Variants in CRHR1 observed in about 807,000 individuals in gnomAD.
CRHR1 encodes the protein corticotropin-releasing hormone receptor 1.
Under a neutral mutation model 56.0 loss-of-function variants are expected in CRHR1, and 28 were observed. The ratio of observed to expected loss-of-function variants is 0.50; its 90% CI spans 0.37 to 0.69. The LOEUF is 0.69. CRHR1 is among the 30% of genes least tolerant of loss of function. CRHR1 has a pLI of 0.00. For synonymous variants in CRHR1, 195 were observed against 216.5 expected (o/e 0.90, Z 0.87); for missense variants, 376 against 548.0 (o/e 0.69, Z 3.13).
chr17:45,785,287 A>G (rs1361176345), intron 1 of CRHR1, among the ~76,000 whole-genome samples: 1 of 152,238 alleles, frequency 6.6e-6, no homozygotes, highest in Non-Finnish European at 1.5e-5. Flanking sequence ...CCGCACGTCC[A>G]GCGTCTGCCC....
intron 2 of CRHR1, among the ~76,000 whole-genome samples, chr17:45,812,155 A>T (rs1364032070): frequency 6.6e-6 from 1 of 152,222 alleles, no homozygotes. Flanking sequence ...CTACAATGTA[A>T]ATGTTATATA....
chr17:45,824,270 G>C (rs2062109064), intron 4 of CRHR1, among the ~76,000 whole-genome samples: 1 of 152,186 alleles, frequency 6.6e-6, no homozygotes, highest in South Asian at 2.1e-4. Flanking sequence ...GCGGGTCAGT[G>C]CTGTCAGTGA....
chr17:45,832,068 A>C (rs990472223), intron 8 of CRHR1, among the ~76,000 whole-genome samples: 13 of 150,856 alleles, frequency 8.6e-5, no homozygotes, highest in African/African-American at 1.7e-4. Context: ...TAAAAAAAAA[A>C]CAAAAAAACA....
intron 2 of CRHR1, among the ~76,000 whole-genome samples, chr17:45,808,895 C>T (rs542702550): frequency 6.6e-6 from 1 of 152,286 alleles, no homozygotes; most frequent in East Asian, 1.9e-4. Flanking sequence ...CACTGCAGCC[C>T]AGATCTGGGC....
intron 4 of CRHR1, chr17:45,826,996 A>G (rs930619107): frequency 2.6e-5 from 4 of 152,194 alleles, no homozygotes; most frequent in African/African-American, 9.7e-5. Flanking sequence ...CACCCAAAAA[A>G]AGAAATGTCC....
chr17:45,815,759 C>A (rs1220574828), intron 2 of CRHR1, among the ~76,000 whole-genome samples: 1 of 152,224 alleles, frequency 6.6e-6, no homozygotes, highest in Non-Finnish European at 1.5e-5. Flanking sequence ...ACAGCCCATT[C>A]TGAAGCAGTG....
At chr17:45,828,543 A>G (rs2062217914) in intron 4 of CRHR1, among the ~76,000 whole-genome samples, 2 of 152,240 alleles carry the variant, frequency 1.3e-5, no homozygotes, top group African/African-American at 2.4e-5. Flanking sequence ...TCATTAAGAA[A>G]TAAACCCGGG....
chr17:45,823,454 C>T (rs889910428), intron 4 of CRHR1, among the ~76,000 whole-genome samples: 4 of 136,770 alleles, frequency 2.9e-5, no homozygotes, highest in African/African-American at 1.1e-4. Flanking sequence ...TGTCGCCAGG[C>T]TGGAGTGCTG....
intron 1 of CRHR1, among the ~76,000 whole-genome samples, chr17:45,804,196 G>A (rs1011260377): frequency 2.0e-5 from 3 of 152,206 alleles, no homozygotes; most frequent in Non-Finnish European, 2.9e-5. Flanking sequence ...TCCCAGGCGC[G>A]AGTTGGCTAA....
intron 1 of CRHR1, among the ~76,000 whole-genome samples, chr17:45,794,714 C>T (rs1001465800): frequency 6.6e-6 from 1 of 152,228 alleles, no homozygotes; most frequent in Non-Finnish European, 1.5e-5. Context: ...GATCAGTGGT[C>T]GCAGCCCCTA....
intron 2 of CRHR1, among the ~76,000 whole-genome samples, chr17:45,811,321 T>C (rs2061819622): frequency 2.0e-5 from 3 of 152,252 alleles, no homozygotes; most frequent in Admixed American, 2.0e-4. Flanking sequence ...CCGCAGGGTT[T>C]CTTCCCTGGC....
intron 1 of CRHR1, among the ~76,000 whole-genome samples, chr17:45,801,515 A>C (rs2061621476): frequency 6.6e-6 from 1 of 152,136 alleles, no homozygotes; most frequent in Non-Finnish European, 1.5e-5. Context: ...TTTAACCTTG[A>C]AGGTTTGGCT....
At chr17:45,795,505 G>T (rs537992860) in intron 1 of CRHR1, among the ~76,000 whole-genome samples, 1 of 152,268 alleles carries the variant, frequency 6.6e-6, no homozygotes, top group African/African-American at 2.4e-5. Flanking sequence ...CCCATTAAAT[G>T]CCAGTCGCAC....
intron 2 of CRHR1, among the ~76,000 whole-genome samples, chr17:45,809,808 A>G (rs996929488): frequency 1.3e-5 from 2 of 152,246 alleles, no homozygotes; most frequent in Admixed American, 6.5e-5. Flanking sequence ...CCCAGGGCTG[A>G]GGCCTATCAT....
chr17:45,805,670 A>C (rs2061706116), intron 1 of CRHR1, among the ~76,000 whole-genome samples: 1 of 152,132 alleles, frequency 6.6e-6, no homozygotes, highest in Non-Finnish European at 1.5e-5. Flanking sequence ...CTTGGGCTTC[A>C]GGCTCACCAC....
In CRHR1 at chr17:45,784,325, AC is replaced by A. The variant is rs1227293714; in HGVS notation, c.-219del. 1.8e-5 allele frequency: 5 copies of A among 270,652 alleles called. No individual in the cohort carries two copies. In the East Asian group the frequency reaches 2.6e-4, roughly 14 times the overall value. The allele number at this position is 270,652 out of a possible 1,614,324, so 16.8% of individuals were successfully genotyped here. A position where few individuals can be genotyped will look rare whatever the true frequency, so the allele number is the denominator to read the frequency against. ...GCCGCGGGCCGGGCTGCGTCGGGAA[AC>A]GGCGGCCAGACTTCCCCGGGAAGGG... is the stretch of plus-strand genomic sequence containing the variant. On this transcript the variant is annotated 5_prime_UTR_variant, in exon 1 of 13. Transcript: ENST00000314537. The surrounding 1 kb of genome is among the most constrained non-coding windows in gnomAD (Gnocchi z 4.2).
chr17:45,816,068 T>A (rs755642607), intron 2 of CRHR1, among the ~76,000 whole-genome samples: 1 of 152,146 alleles, frequency 6.6e-6, no homozygotes, highest in Non-Finnish European at 1.5e-5. Flanking sequence ...TTCCAGGGTG[T>A]TCCTGTGATG....
At position 45,834,889 on chromosome 17, in the gene CRHR1, G is replaced by A. The variant is rs898920843; in HGVS notation, c.*125G>A. The A allele has an allele frequency of 2.3e-6, 3 of 1,332,812 alleles. No individual in the cohort carries two copies. The highest frequency in any genetic ancestry group is 3.1e-6 in the Non-Finnish European group (3 of 972,158). The allele number at this position is 1,332,812 out of a possible 1,614,324, so 82.6% of individuals were successfully genotyped here. ...ATGCCCACTCCCCCAGGAGCAGCTGGCACTGACAGCCTGGGGGGGCCGCTC... is the reference window on the plus strand; with the variant it reads ...ATGCCCACTCCCCCAGGAGCAGCTGACACTGACAGCCTGGGGGGGCCGCTC... On this transcript the variant is annotated 3_prime_UTR_variant, in exon 13 of 13. Transcript: ENST00000314537.
At chr17:45,827,676 G>T (rs935284660) in intron 4 of CRHR1, 8 of 152,352 alleles carry the variant, frequency 5.3e-5, no homozygotes, top group Non-Finnish European at 1.0e-4. Context: ...GAAAGCCTCT[G>T]CCTGGAAACC....
Sources: gnomAD v4.1 joint callset for allele counts (sites outside exome capture counted in the v4.1 genomes callset) on GRCh38, gnomAD v4.1.1 for gene constraint, Gnocchi (gnomAD v3.1) non-coding constraint, MANE v1.5 for transcripts, NCBI Gene and HGNC (gene_info 2026-07-23, HGNC 2026-07-21) for gene names.